The following DPH6 variants were observed in gnomAD, a reference collection of about 807,000 sequenced individuals.
The protein encoded by DPH6 is diphthamine biosynthesis 6, also known as diphthine--ammonia ligase.
DPH6 carries 33 observed loss-of-function variants against 38.2 expected under a neutral mutation model. That is an observed-to-expected ratio of 0.86 (90% confidence interval 0.65 to 1.15). The LOEUF (loss-of-function observed/expected upper bound fraction) is 1.15. Ranked by LOEUF, DPH6 falls within the 50% of genes most tolerant of loss-of-function variation. The pLI, the probability that DPH6 is intolerant of heterozygous loss-of-function variation, is 0.00. For synonymous variants in DPH6, 108 were observed against 103.0 expected, an observed-to-expected ratio of 1.05 and a Z score of -0.30; for missense variants, 325 against 320.0, an observed-to-expected ratio of 1.02 and a Z score of -0.12.
At chr15:35,348,307 A>AT (rs2052479752) in intron 3 of DPH6, among the ~76,000 whole-genome samples, 1 of 152,166 alleles carries the variant, frequency 6.6e-6, no homozygotes, top group Non-Finnish European at 1.5e-5. Context: ...TATTTAATCC[A>AT]TTTTTAATTA....
chr15:35,417,560 G>A (rs923692422), intron 5 of DPH6, among the ~76,000 whole-genome samples: 4 of 151,924 alleles, frequency 2.6e-5, no homozygotes, highest in Non-Finnish European at 5.9e-5. Flanking sequence ...ACAAAAGCTA[G>A]ACATCACAAC....
At chr15:35,225,502 C>T (rs1474037706) in intron 3 of DPH6, among the ~76,000 whole-genome samples, 3 of 152,146 alleles carry the variant, frequency 2.0e-5, no homozygotes, top group African/African-American at 7.2e-5. Context: ...ATTGTTATAG[C>T]TTTGGCCATT....
At chr15:35,459,265 C>G (rs146616318) in intron 3 of DPH6, among the ~76,000 whole-genome samples, 42 of 152,262 alleles carry the variant, frequency 2.8e-4, no homozygotes, top group Non-Finnish European at 5.7e-4. Context: ...TGTAGATGAT[C>G]GTCATCTTGC....
chr15:35,167,039 G>T, the DPH6 span, among the ~76,000 whole-genome samples: 5 of 151,906 alleles, frequency 3.3e-5, no homozygotes, highest in Non-Finnish European at 7.4e-5. Context: ...AATTCTCTTC[G>T]ACAACCTCTG....
intron 3 of DPH6, among the ~76,000 whole-genome samples, chr15:35,467,331 A>G (rs2054139370): frequency 1.3e-5 from 2 of 152,126 alleles, no homozygotes; most frequent in South Asian, 2.1e-4. Context: ...TTGGGAGGCC[A>G]AGGCAGGCAG....
chr15:35,311,820 A>T (rs1436908104), intron 3 of DPH6, among the ~76,000 whole-genome samples: 11 of 152,212 alleles, frequency 7.2e-5, no homozygotes, highest in Non-Finnish European at 1.6e-4. Context: ...TTTGCTGAAG[A>T]TATCCAAATT....
intron 3 of DPH6, among the ~76,000 whole-genome samples, chr15:35,342,996 C>T (rs2052433895): frequency 1.3e-5 from 2 of 152,276 alleles, no homozygotes; most frequent in South Asian, 2.1e-4. Flanking sequence ...TGTATTGAAG[C>T]AAATTCCAGA....
At chr15:35,436,086 T>C (rs563053299) in intron 5 of DPH6, among the ~76,000 whole-genome samples, 1 of 152,130 alleles carries the variant, frequency 6.6e-6, no homozygotes, top group East Asian at 2.0e-4. Context: ...GCCCTGCACG[T>C]CCAGCTGAGC....
At chr15:35,312,477 G>C (rs1353184088) in intron 3 of DPH6, among the ~76,000 whole-genome samples, 1 of 152,166 alleles carries the variant, frequency 6.6e-6, no homozygotes, top group Non-Finnish European at 1.5e-5. Context: ...GGCAGGCTGA[G>C]TATTACGAAA....
At chr15:35,536,350 G>A (rs2055169287) in intron 3 of DPH6, among the ~76,000 whole-genome samples, 3 of 151,808 alleles carry the variant, frequency 2.0e-5, no homozygotes, top group South Asian at 4.1e-4. Context: ...AGGAAAAGAA[G>A]GAACTATTTA....
chr15:35,280,594 T>A (rs1227621354), intron 3 of DPH6, among the ~76,000 whole-genome samples: 4 of 152,246 alleles, frequency 2.6e-5, no homozygotes, highest in African/African-American at 7.2e-5. Context: ...AAATTTGGAT[T>A]ACTCCATATT....
At chr15:35,343,077 C>T (rs1345533898) in intron 3 of DPH6, among the ~76,000 whole-genome samples, 2 of 152,090 alleles carry the variant, frequency 1.3e-5, no homozygotes, top group Admixed American at 1.3e-4. Context: ...TTGAATATAC[C>T]TAGAATACCA....
intron 5 of DPH6, among the ~76,000 whole-genome samples, chr15:35,431,373 T>G (rs1433570753): frequency 6.6e-6 from 1 of 152,108 alleles, no homozygotes; most frequent in Non-Finnish European, 1.5e-5. Context: ...AGGGAGGTTA[T>G]GAAAATGGAG....
rs373056901 is a variant in DPH6, at chr15:35,352,386, C to G, written n.207+21135G>C. ...TGTTGGTGTGCTGCACCCATTAACT[C>G]GACCTTTAACATTAGGTATATCTCC... On this transcript the variant is annotated intron_variant and non_coding_transcript_variant, in intron 3 of 3. Transcript: ENST00000558973. Among the ~76,000 whole-genome samples the G allele has an allele frequency of 1.6e-4, 25 of 152,220 alleles. No individual in the cohort carries two copies. The Middle Eastern group carries it at 0.017, about 104-fold the overall frequency.
At chr15:35,493,820 G>A (rs533459128) in intron 3 of DPH6, among the ~76,000 whole-genome samples, 4 of 152,150 alleles carry the variant, frequency 2.6e-5, no homozygotes, top group Middle Eastern at 3.4e-3. Flanking sequence ...GCATATAAAC[G>A]GGCAAATAAC....
chr15:35,397,829 AG>A (rs1390054681), intron 6 of DPH6, among the ~76,000 whole-genome samples: 1 of 151,466 alleles, frequency 6.6e-6, no homozygotes, highest in African/African-American at 2.4e-5. Context: ...TTAAGGACAC[AG>A]GTATATAATA....
At chr15:35,178,459 G>A in the DPH6 span, among the ~76,000 whole-genome samples, 19 of 151,710 alleles carry the variant, frequency 1.3e-4, 2 homozygotes, top group East Asian at 6.3e-4. Context: ...CAGATCTTGT[G>A]AGACTTATTC....
chr15:35,291,491 G>A (rs1382795113), intron 3 of DPH6, among the ~76,000 whole-genome samples: 2 of 152,054 alleles, frequency 1.3e-5, no homozygotes, highest in African/African-American at 4.8e-5. Flanking sequence ...AAACTCCACA[G>A]CATCACACTC....
intron 5 of DPH6, among the ~76,000 whole-genome samples, chr15:35,428,668 C>T (rs764107752): frequency 1.3e-5 from 2 of 152,066 alleles, no homozygotes; most frequent in Non-Finnish European, 2.9e-5. Context: ...TTTGAATTGT[C>T]CTCTGAAGCC....
Sources: gnomAD v4.1 joint callset for allele counts (sites outside exome capture counted in the v4.1 genomes callset) on GRCh38, gnomAD v4.1.1 for gene constraint, MANE v1.5 for transcripts, NCBI Gene and HGNC (gene_info 2026-07-23, HGNC 2026-07-21) for gene names.